The following NXPE2 variants were observed in gnomAD, a reference collection of about 807,000 sequenced individuals.
The protein encoded by NXPE2 is NXPE family member 2.
NXPE2 carries 34 observed loss-of-function variants against 34.4 expected under a neutral mutation model. That is an observed-to-expected ratio of 0.99 (90% CI 0.75 to 1.31). The LOEUF (loss-of-function observed/expected upper bound fraction) is 1.31, where lower values mean the gene tolerates loss of function less well. Among genes scored for constraint, NXPE2 ranks in the 40% most tolerant of loss-of-function variants. NXPE2 has a pLI of 0.00. For synonymous variants in NXPE2, 235 were observed against 231.3 expected, an observed-to-expected ratio of 1.02 and a Z score of -0.15; for missense variants, 649 against 672.5, an observed-to-expected ratio of 0.97 and a Z score of 0.39.
intron 1 of NXPE2, among the ~76,000 whole-genome samples, chr11:114,679,363 C>T (rs748919326): frequency 2.6e-5 from 4 of 151,850 alleles, no homozygotes; most frequent in Non-Finnish European, 5.9e-5. Context: ...TAATCTAAAA[C>T]CTTGTTGTCC....
At chr11:114,683,394 C>A (rs1950981575) in intron 2 of NXPE2, among the ~76,000 whole-genome samples, 1 of 151,028 alleles carries the variant, frequency 6.6e-6, no homozygotes, top group South Asian at 2.1e-4. Flanking sequence ...TCTATCCTTA[C>A]CTAGTATATA....
the NXPE2 span, among the ~76,000 whole-genome samples, chr11:114,713,284 T>C: frequency 6.6e-6 from 1 of 152,178 alleles, no homozygotes; most frequent in African/African-American, 2.4e-5. Flanking sequence ...GGAAAAATGG[T>C]TAAGAGGATA....
chr11:114,786,167 C>T, the NXPE2 span, among the ~76,000 whole-genome samples: 1 of 152,232 alleles, frequency 6.6e-6, no homozygotes, highest in Admixed American at 6.5e-5. Context: ...GTTCAAACAC[C>T]CTTTCCCTGC....
At chr11:114,617,675 C>T in the NXPE2 span, among the ~76,000 whole-genome samples, 13 of 151,480 alleles carry the variant, frequency 8.6e-5, no homozygotes, top group African/African-American at 1.7e-4. Flanking sequence ...CACTGTTACC[C>T]GGTGGATAAA....
the NXPE2 span, among the ~76,000 whole-genome samples, chr11:114,548,564 G>A: frequency 9.2e-4 from 140 of 152,022 alleles, no homozygotes; most frequent in African/African-American, 3.1e-3. Flanking sequence ...TAAACAACTC[G>A]TGACTCAAAG....
the NXPE2 span, among the ~76,000 whole-genome samples, chr11:114,663,657 A>C: frequency 6.9e-6 from 1 of 144,456 alleles, no homozygotes; most frequent in Non-Finnish European, 1.5e-5. Flanking sequence ...TCTATCATCT[A>C]TTTATCTATC....
chr11:114,625,937 C>A, the NXPE2 span, among the ~76,000 whole-genome samples: 1 of 152,314 alleles, frequency 6.6e-6, no homozygotes, highest in Admixed American at 6.5e-5. Context: ...AAAATCAGGT[C>A]ACTCCCACCC....
chr11:114,679,784 A>G, intron 2 of NXPE2, 22 bp downstream of exon 2: 1 of 1,435,624 alleles, frequency 7.0e-7, no homozygotes, highest in Non-Finnish European at 9.6e-7. Flanking sequence ...CATTTTTAAG[A>G]ATTTCACAGA....
chr11:114,618,156 C>T, the NXPE2 span, among the ~76,000 whole-genome samples: 2 of 151,802 alleles, frequency 1.3e-5, no homozygotes, highest in Non-Finnish European at 1.5e-5. Flanking sequence ...GTAAGTATTG[C>T]CTCGTGGGTA....
chr11:114,506,627 T>C, the NXPE2 span, among the ~76,000 whole-genome samples: 3 of 152,216 alleles, frequency 2.0e-5, no homozygotes, highest in East Asian at 5.8e-4. Context: ...TGCTACTGAA[T>C]GGCTTTTGGG....
At chr11:114,486,428 A>AT in the NXPE2 span, among the ~76,000 whole-genome samples, 1 of 152,002 alleles carries the variant, frequency 6.6e-6, no homozygotes, top group East Asian at 1.9e-4. Context: ...GGTTGCAAAT[A>AT]TTTTCTCCCA....
At chr11:114,755,231 T>G in the NXPE2 span, among the ~76,000 whole-genome samples, 1 of 152,204 alleles carries the variant, frequency 6.6e-6, no homozygotes, top group African/African-American at 2.4e-5. Flanking sequence ...GGAGAGATGA[T>G]GCCTTCATTT....
chr11:114,776,315 C>T, the NXPE2 span, among the ~76,000 whole-genome samples: 26,550 of 152,260 alleles, frequency 0.17, 2,927 homozygotes, highest in East Asian at 0.54. Context: ...TCATCTTGTC[C>T]GTTTTGTCCA....
intron 2 of NXPE2, among the ~76,000 whole-genome samples, chr11:114,696,356 A>AAAG (rs1555078627): frequency 0.071 from 10,126 of 142,634 alleles, 408 homozygotes; most frequent in Middle Eastern, 0.12. Context: ...AAAAAAAAAA[A>AAAG]AAAGAAAGAA....
chr11:114,745,429 T>C, the NXPE2 span, among the ~76,000 whole-genome samples: 2 of 152,200 alleles, frequency 1.3e-5, no homozygotes, highest in African/African-American at 4.8e-5. Context: ...TGAGAACTTA[T>C]TCACTGCTGC....
At chr11:114,698,921 G>A in intron 3 of NXPE2, 143 bp downstream of exon 3, 3 of 826,358 alleles carry the variant, frequency 3.6e-6, no homozygotes, top group Non-Finnish European at 5.5e-6. Flanking sequence ...AGTTCAGCTT[G>A]GAGTGTGTTC....
At chr11:114,681,095 A>G (rs1374423989) in intron 2 of NXPE2, among the ~76,000 whole-genome samples, 1 of 152,022 alleles carries the variant, frequency 6.6e-6, no homozygotes, top group Non-Finnish European at 1.5e-5. Context: ...TATAAATCCT[A>G]CCTCCAAAAT....
chr11:114,650,045 CA>C, the NXPE2 span, among the ~76,000 whole-genome samples: 3 of 152,200 alleles, frequency 2.0e-5, no homozygotes, highest in Non-Finnish European at 4.4e-5. Context: ...TAATAAACTT[CA>C]AAAACACTGC....
chr11:114,651,188 G>A, the NXPE2 span, among the ~76,000 whole-genome samples: 2 of 151,956 alleles, frequency 1.3e-5, no homozygotes, highest in East Asian at 1.9e-4. Flanking sequence ...GTGGACCCTC[G>A]CGGTTGAGTG....
Sources: allele counts gnomAD v4.1 joint callset (sites outside exome capture counted in the v4.1 genomes callset), GRCh38; gene constraint gnomAD v4.1.1; transcripts MANE v1.5; gene names NCBI Gene and HGNC (gene_info 2026-07-23, HGNC 2026-07-21).